Variants in PIN4 observed in about 807,000 individuals in gnomAD.
PIN4 encodes the protein peptidylprolyl cis/trans isomerase, NIMA-interacting 4, also known as peptidyl-prolyl cis-trans isomerase NIMA-interacting 4.
PIN4 carries 3 observed loss-of-function variants against 8.3 expected under a neutral mutation model. That is an observed-to-expected ratio of 0.36 (90% confidence interval 0.16 to 0.93). PIN4 has a LOEUF of 0.93. Among genes scored for constraint, PIN4 ranks in the 40% least tolerant of loss-of-function variants. PIN4 has a pLI of 0.44. For missense variants in PIN4, 75 were observed against 100.6 expected (o/e 0.75, Z 1.09); for synonymous variants, 18 against 32.5 (o/e 0.55, Z 1.52).
At chrX:72,206,116 A>G in intron 3 of PIN4, 23 of 1,211,734 alleles carry the variant, frequency 1.9e-5, no homozygotes, top group Non-Finnish European at 2.5e-5. Flanking sequence ...ATCATCCTTT[A>G]GTTGATCTAA....
chrX:72,197,249 A>T (rs2042771313), intron 3 of PIN4, 119 bp from the exon 4 acceptor site: 2 of 600,095 alleles, frequency 3.3e-6, no homozygotes, highest in Admixed American at 3.6e-5. Flanking sequence ...CTATTCCTGT[A>T]TTGCTCTTAG....
At chrX:72,191,852 C>G (rs2042735828) in intron 2 of PIN4, among the ~76,000 whole-genome samples, 2 of 111,279 alleles carry the variant, frequency 1.8e-5, no homozygotes, top group Non-Finnish European at 3.8e-5. Flanking sequence ...TATCTCTACC[C>G]TCTTTTTTGT....
At chrX:72,260,695 T>C (rs1452629617) in intron 3 of PIN4, among the ~76,000 whole-genome samples, 1 of 112,026 alleles carries the variant, frequency 8.9e-6, no homozygotes, top group Non-Finnish European at 1.9e-5. Flanking sequence ...CCTTTTTTCA[T>C]GTTCTTTTCT....
At chrX:72,211,236 G>T (rs1253938367) in intron 3 of PIN4, among the ~76,000 whole-genome samples, 1 of 110,725 alleles carries the variant, frequency 9.0e-6, no homozygotes, top group African/African-American at 3.3e-5. Context: ...TTCCAGAATT[G>T]CTCCCCTATT....
intron 3 of PIN4, among the ~76,000 whole-genome samples, chrX:72,233,070 A>G (rs1353860023): frequency 9.0e-6 from 1 of 111,694 alleles, no homozygotes; most frequent in African/African-American, 3.3e-5. Context: ...GGGAAATGCA[A>G]CTTTGCAAAG....
intron 3 of PIN4, among the ~76,000 whole-genome samples, chrX:72,210,062 A>AG (rs749054987): frequency 2.8e-5 from 3 of 108,598 alleles, no homozygotes; most frequent in Non-Finnish European, 3.8e-5. Context: ...AAGCAACCAG[A>AG]GGGGGGGAAG....
At position 72,204,413 on chromosome X, in the gene PIN4, T is replaced by C. The variant is rs1400331765; in HGVS notation, c.312+7509T>C. ...GTAGCTGAAGGGGTCTAACAGAATC[T>C]CTTTTCTCTTGGGGATGCTGAGTAA... On this transcript the variant is annotated intron_variant, in intron 3 of 3. Transcript: ENST00000423432. Among the ~76,000 whole-genome samples, 6 of 111,946 alleles carry C rather than the reference T, an allele frequency of 5.4e-5. No homozygotes were observed. The Admixed American group carries it at 5.7e-4, about 11-fold the overall frequency.
intron 3 of PIN4, among the ~76,000 whole-genome samples, chrX:72,246,203 C>T (rs2043066642): frequency 8.9e-6 from 1 of 112,123 alleles, no homozygotes; most frequent in African/African-American, 3.2e-5. Flanking sequence ...AGTCAGAAAC[C>T]GGGAAGTGTC....
chrX:72,223,426 G>A (rs932617766), intron 3 of PIN4, among the ~76,000 whole-genome samples: 63 of 105,721 alleles, frequency 6.0e-4, no homozygotes, highest in African/African-American at 2.1e-3. Flanking sequence ...TTTTGCTCTT[G>A]TTGCCCAGGC....
chrX:72,192,910 A>T (rs192658572), intron 2 of PIN4, among the ~76,000 whole-genome samples: 1 of 111,016 alleles, frequency 9.0e-6, no homozygotes, highest in African/African-American at 3.3e-5. Flanking sequence ...TTTTTATTAC[A>T]CTTTTTGAGT....
intron 3 of PIN4, chrX:72,206,883 A>G (rs112298003): frequency 6.6e-6 from 8 of 1,211,692 alleles, no homozygotes; most frequent in African/African-American, 3.5e-5. Flanking sequence ...CCTCGATTGT[A>G]AAGAGCTCTC....
intron 3 of PIN4, among the ~76,000 whole-genome samples, chrX:72,222,442 C>T (rs750299145): frequency 2.7e-5 from 3 of 111,551 alleles, no homozygotes; most frequent in African/African-American, 9.8e-5. Flanking sequence ...CCCATAGAGA[C>T]ACAGACTGGA....
intron 3 of PIN4, among the ~76,000 whole-genome samples, chrX:72,253,862 T>C (rs1195483041): frequency 9.2e-6 from 1 of 109,061 alleles, no homozygotes; most frequent in Non-Finnish European, 1.9e-5. Context: ...GATGGGAGGC[T>C]GAGGTGGGAA....
Position 72,203,986 on chromosome X carries a change from G to A in PIN4, c.312+7082G>A, listed in dbSNP as rs191144925. On this transcript the variant is annotated intron_variant, in intron 3 of 3. Coordinates refer to the PIN4 transcript ENST00000423432. ...GAATAGACGAGATACCTGGTTTGGT[G>A]AAAGGGAGAACACAGTTAATGGTGC... 8.1e-3 allele frequency among the ~76,000 whole-genome samples: 914 copies of A among 112,192 alleles called. 8 individuals carry two copies. The highest frequency in any genetic ancestry group is 0.028 in the African/African-American group (868 of 30,894).
At chrX:72,250,736 GTTTT>G (rs1230012818) in intron 3 of PIN4, among the ~76,000 whole-genome samples, 1 of 74,370 alleles carries the variant, frequency 1.3e-5, no homozygotes. Context: ...CTGGTATATG[GTTTT>G]TTTTTTTTTT....
chrX:72,236,515 T>C (rs2043018103), intron 3 of PIN4, among the ~76,000 whole-genome samples: 1 of 111,322 alleles, frequency 9.0e-6, no homozygotes, highest in Non-Finnish European at 1.9e-5. Context: ...AGACTGGTCT[T>C]GAACTCCTGA....
chrX:72,260,761 A>G (rs1211434599), intron 3 of PIN4, among the ~76,000 whole-genome samples: 1 of 111,761 alleles, frequency 8.9e-6, no homozygotes, highest in African/African-American at 3.3e-5. Flanking sequence ...TCAGGCAGTC[A>G]TTCTCAAGTT....
intron 3 of PIN4, among the ~76,000 whole-genome samples, chrX:72,258,403 C>T (rs1432221938): frequency 2.7e-5 from 3 of 112,225 alleles, no homozygotes; most frequent in African/African-American, 9.7e-5. Flanking sequence ...AACAGGGCTC[C>T]CCCCACAGCC....
At chrX:72,204,992 A>G in intron 3 of PIN4, 3 of 1,132,783 alleles carry the variant, frequency 2.6e-6, no homozygotes, top group African/African-American at 1.8e-5. Context: ...TCACTTTAAA[A>G]TACAATAAAC....
Sources: gnomAD v4.1 joint callset for allele counts (sites outside exome capture counted in the v4.1 genomes callset) on GRCh38, gnomAD v4.1.1 for gene constraint, MANE v1.5 for transcripts, NCBI Gene and HGNC (gene_info 2026-07-23, HGNC 2026-07-21) for gene names.